Variants in ADGRG7 observed in about 807,000 individuals in gnomAD.
ADGRG7 encodes the protein adhesion G protein-coupled receptor G7.
Under a neutral mutation model 88.6 loss-of-function variants are expected in ADGRG7, and 82 were observed. The observed-to-expected ratio is 0.93, with a 90% CI of 0.77 to 1.11. ADGRG7 has a LOEUF of 1.11. Among genes scored for constraint, ADGRG7 ranks in the 50% most tolerant of loss-of-function variants. The probability of loss-of-function intolerance (pLI) is 0.00; values close to 1 mark genes in which losing one functional copy is unlikely to be tolerated. For missense variants in ADGRG7, 945 were observed against 953.4 expected (o/e 0.99, Z 0.12); for synonymous variants, 381 against 345.2 (o/e 1.10, Z -1.15).
chr3:100,659,438 T>TCA (rs1265296331), intron 13 of ADGRG7, among the ~76,000 whole-genome samples: 1 of 12,558 alleles, frequency 8.0e-5, no homozygotes, highest in African/African-American at 1.7e-4. Context: ...AGACTCAGTC[T>TCA]CAAAAAAAAA....
chr3:100,636,407 A>G (rs1707542091), intron 5 of ADGRG7, among the ~76,000 whole-genome samples: 1 of 152,230 alleles, frequency 6.6e-6, no homozygotes, highest in African/African-American at 2.4e-5. Context: ...GAATATTTAC[A>G]TTTTAGTCTT....
chr3:100,618,150 C>T (rs1707252314), intron 1 of ADGRG7, among the ~76,000 whole-genome samples: 1 of 151,890 alleles, frequency 6.6e-6, no homozygotes, highest in South Asian at 2.1e-4. Flanking sequence ...CAAAAATTTT[C>T]TCCCATTCTG....
chr3:100,659,906 A>G lies in ADGRG7; in HGVS notation c.1979+63A>G, dbSNP rs16842534. 2.3e-3 allele frequency: 3,424 copies of G among 1,467,026 alleles called. 71 individuals are homozygous for G. The African/African-American group carries it at 0.042, about 18-fold the overall frequency. 90.9% of individuals were successfully genotyped at this position (1,467,026 alleles called of 1,614,324 possible). ...CTCATCCAGCACTTAACGCAGCACCATAACACATCCACAGTTTCAGAAGCT... is the reference window on the plus strand; with the variant it reads ...CTCATCCAGCACTTAACGCAGCACCGTAACACATCCACAGTTTCAGAAGCT... On this transcript the variant is annotated intron_variant, in intron 14 of 15. Coordinates refer to ENST00000273352, the MANE Select transcript of ADGRG7 (RefSeq NM_032787.3).
intron 1 of ADGRG7, among the ~76,000 whole-genome samples, chr3:100,625,237 G>A (rs948390237): frequency 3.8e-4 from 58 of 152,218 alleles, no homozygotes; most frequent in African/African-American, 1.3e-3. Flanking sequence ...AGTTCTCCTG[G>A]AAGAGGTTCT....
chr3:100,670,567 T>C (rs9813835), intron 15 of ADGRG7, among the ~76,000 whole-genome samples: 50,955 of 152,034 alleles, frequency 0.34, 9,024 homozygotes, highest in South Asian at 0.48. Flanking sequence ...TTTTAGCTTT[T>C]TTTTATTATT....
At position 100,638,263 on chromosome 3, in the gene ADGRG7, T is replaced by A. The variant is rs142692875; in HGVS notation, c.698+861T>A. 2.4e-4 allele frequency among the ~76,000 whole-genome samples: 36 copies of A among 152,300 alleles called. No homozygotes were observed. The East Asian group carries it at 7.0e-3, about 29-fold the overall frequency. ...TAGGTCACCTGGACAAATTGAAGGA[T>A]GGCAAATGCAGAGAATTTTATTAAG... On this transcript the variant is annotated intron_variant, in intron 6 of 15. Coordinates refer to ENST00000273352, the MANE Select transcript of ADGRG7 (RefSeq NM_032787.3).
intron 14 of ADGRG7, among the ~76,000 whole-genome samples, chr3:100,667,158 G>A (rs868242787): frequency 5.9e-5 from 9 of 151,952 alleles, no homozygotes; most frequent in Non-Finnish European, 1.0e-4. Flanking sequence ...GATTACAGGC[G>A]TCCACCACCA....
At chr3:100,629,767 A>G (rs1707434520) in intron 2 of ADGRG7, 56 bp downstream of exon 2, 2 of 1,143,890 alleles carry the variant, frequency 1.7e-6, no homozygotes, top group East Asian at 4.8e-5. Context: ...TTGTGTTAAT[A>G]AGAATAGCAA....
chr3:100,689,489 G>A (rs1294602189), intron 15 of ADGRG7, among the ~76,000 whole-genome samples: 1 of 152,098 alleles, frequency 6.6e-6, no homozygotes, highest in Non-Finnish European at 1.5e-5. Flanking sequence ...TTACAATTTG[G>A]CATGTTTTTG....
chr3:100,693,083 T>C (rs1255142172), intron 15 of ADGRG7, among the ~76,000 whole-genome samples: 1 of 152,200 alleles, frequency 6.6e-6, no homozygotes, highest in Non-Finnish European at 1.5e-5. Context: ...TCTTTTCAAA[T>C]AACATTTTTG....
At chr3:100,616,336 T>A (rs1162864203) in intron 1 of ADGRG7, among the ~76,000 whole-genome samples, 1 of 151,658 alleles carries the variant, frequency 6.6e-6, no homozygotes, top group Non-Finnish European at 1.5e-5. Flanking sequence ...CAAAACCATC[T>A]GAAAGAGAAT....
chr3:100,634,086 G>T lies in ADGRG7; in HGVS notation c.447+709G>T, dbSNP rs151229517. Among the ~76,000 whole-genome samples, 1,051 of 152,294 alleles carry T rather than the reference G, an allele frequency of 6.9e-3. 10 individuals carry two copies. Among genetic ancestry groups the T allele is most frequent in the African/African-American group, 0.013 (544 of 41,556 alleles). On this transcript the variant is annotated intron_variant, in intron 4 of 15. Coordinates refer to ENST00000273352, the MANE Select transcript of ADGRG7 (RefSeq NM_032787.3). ...CAAACCTGATGCGGGTCTCAGGGCA[G>T]TATCTATGAGCAGGTGAAATAGAAA...
chr3:100,639,262 A>T (rs1026932062), intron 6 of ADGRG7, among the ~76,000 whole-genome samples: 2 of 152,138 alleles, frequency 1.3e-5, no homozygotes, highest in African/African-American at 4.8e-5. Context: ...AAGTCTTTTA[A>T]TGTTCTAAGT....
At chr3:100,621,666 GA>G (rs1031774904) in intron 1 of ADGRG7, among the ~76,000 whole-genome samples, 2 of 152,212 alleles carry the variant, frequency 1.3e-5, no homozygotes, top group Admixed American at 6.5e-5. Flanking sequence ...AAGTGCAAAG[GA>G]AAGCAGCAAG....
chr3:100,654,580 T>G (rs1249973997), intron 11 of ADGRG7: 4 of 321,606 alleles, frequency 1.2e-5, no homozygotes, highest in Middle Eastern at 9.2e-4. Flanking sequence ...GCTATCACTT[T>G]TGATCAGAAC....
At chr3:100,676,698 G>A (rs938522874) in intron 15 of ADGRG7, among the ~76,000 whole-genome samples, 3 of 151,942 alleles carry the variant, frequency 2.0e-5, no homozygotes, top group Non-Finnish European at 4.4e-5. Flanking sequence ...AAAATAGGGT[G>A]TTGAAATCTC....
At chr3:100,680,071 G>A (rs940659307) in intron 15 of ADGRG7, among the ~76,000 whole-genome samples, 3 of 152,092 alleles carry the variant, frequency 2.0e-5, no homozygotes, top group African/African-American at 7.2e-5. Context: ...GTCAAAAAAG[G>A]GGTATTAAAT....
At chr3:100,686,339 G>C (rs904704122) in intron 15 of ADGRG7, among the ~76,000 whole-genome samples, 9 of 152,150 alleles carry the variant, frequency 5.9e-5, no homozygotes, top group African/African-American at 4.8e-5. Flanking sequence ...TGTTCACTCT[G>C]ATGGTAGTTT....
intron 1 of ADGRG7, among the ~76,000 whole-genome samples, chr3:100,618,685 G>T (rs1707261626): frequency 6.6e-6 from 1 of 152,168 alleles, no homozygotes; most frequent in East Asian, 1.9e-4. Flanking sequence ...GCTTAGGATT[G>T]ACTTGGCGAT....
Sources: allele counts gnomAD v4.1 joint callset (sites outside exome capture counted in the v4.1 genomes callset), GRCh38; gene constraint gnomAD v4.1.1; transcripts MANE v1.5; gene names NCBI Gene and HGNC (gene_info 2026-07-23, HGNC 2026-07-21).